The following PDE10A variants were observed in gnomAD, a reference collection of about 807,000 sequenced individuals.
PDE10A encodes the protein cAMP and cAMP-inhibited cGMP 3',5'-cyclic phosphodiesterase 10A.
PDE10A carries 39 observed loss-of-function variants against 97.7 expected under a neutral mutation model. The ratio of observed to expected loss-of-function variants is 0.40; its 90% CI spans 0.31 to 0.52. The LOEUF is 0.52. Among genes scored for constraint, PDE10A ranks in the 20% least tolerant of loss-of-function variants. PDE10A has a pLI of 0.56. For synonymous variants in PDE10A, 371 were observed against 376.8 expected, an observed-to-expected ratio of 0.98 and a Z score of 0.18; for missense variants, 731 against 1,047.8, an observed-to-expected ratio of 0.70 and a Z score of 4.17.
chr6:165,530,416 A>C (rs1782704331), intron 2 of PDE10A, among the ~76,000 whole-genome samples: 1 of 152,080 alleles, frequency 6.6e-6, no homozygotes, highest in South Asian at 2.1e-4. Flanking sequence ...AGAATCTATA[A>C]AGAACTTAAA....
chr6:165,650,065 T>A (rs987862564), intron 1 of PDE10A, among the ~76,000 whole-genome samples: 1 of 152,098 alleles, frequency 6.6e-6, no homozygotes, highest in African/African-American at 2.4e-5. Flanking sequence ...CATTTTGGGA[T>A]CTTGTGTAGG....
At chr6:165,641,413 T>C (rs908276081) in intron 1 of PDE10A, among the ~76,000 whole-genome samples, 1 of 152,306 alleles carries the variant, frequency 6.6e-6, no homozygotes, top group African/African-American at 2.4e-5. Context: ...CACAACACTA[T>C]ATCTAAGAAG....
At chr6:165,547,067 T>C (rs916712947) in intron 1 of PDE10A, among the ~76,000 whole-genome samples, 22 of 152,080 alleles carry the variant, frequency 1.4e-4, no homozygotes, top group African/African-American at 5.1e-4. Flanking sequence ...TTGGAGTAGC[T>C]GATGATTTAA....
At chr6:165,354,927 C>T (rs1209628747) in intron 18 of PDE10A, among the ~76,000 whole-genome samples, 2 of 151,744 alleles carry the variant, frequency 1.3e-5, no homozygotes, top group African/African-American at 4.8e-5. Context: ...TTAGCCATCA[C>T]AACAATGTAA....
intron 1 of PDE10A, among the ~76,000 whole-genome samples, chr6:165,731,489 T>G (rs778595032): frequency 6.6e-6 from 1 of 152,132 alleles, no homozygotes; most frequent in Non-Finnish European, 1.5e-5. Flanking sequence ...GCCGGCACGT[T>G]GGAGGAACGA....
intron 2 of PDE10A, among the ~76,000 whole-genome samples, chr6:165,512,964 T>C (rs991778087): frequency 6.6e-6 from 1 of 152,026 alleles, no homozygotes; most frequent in African/African-American, 2.4e-5. Flanking sequence ...CTCTTTGAGA[T>C]CATTCATACT....
chr6:165,430,222 A>G lies in PDE10A; in HGVS notation c.1601+65T>C. On this transcript the variant is annotated intron_variant, in intron 9 of 21. Coordinates refer to ENST00000539869, the MANE Select transcript of PDE10A (RefSeq NM_001385079.1). ...CAATAGACAATGGTCTATTTCTGCC[A>G]CAGGCTGCCCTTAATTTAAACCATT... is the stretch of plus-strand genomic sequence containing the variant. 5.2e-6 allele frequency: 6 copies of G among 1,146,698 alleles called. No homozygotes were observed. In the South Asian group the frequency reaches 7.9e-5, roughly 15 times the overall value. The allele number at this position is 1,146,698 out of a possible 1,614,324, so 71.0% of individuals were successfully genotyped here. A position where few individuals can be genotyped will look rare whatever the true frequency, so the allele number is the denominator to read the frequency against.
intron 1 of PDE10A, among the ~76,000 whole-genome samples, chr6:165,617,915 G>T (rs1787802154): frequency 6.6e-6 from 1 of 152,106 alleles, no homozygotes; most frequent in Non-Finnish European, 1.5e-5. Flanking sequence ...CCCCCAAGCA[G>T]ATTATACATA....
chr6:165,855,960 C>G (rs773337911), intron 1 of PDE10A, among the ~76,000 whole-genome samples: 3 of 152,116 alleles, frequency 2.0e-5, no homozygotes, highest in Non-Finnish European at 2.9e-5. Context: ...AATGGGAAGA[C>G]GTATTGGTGT....
chr6:165,339,715 T>G (rs988233803), intron 19 of PDE10A, among the ~76,000 whole-genome samples: 1 of 152,234 alleles, frequency 6.6e-6, no homozygotes, highest in African/African-American at 2.4e-5. Flanking sequence ...CCAAATGATC[T>G]TCCAAGTGCA....
intron 1 of PDE10A, among the ~76,000 whole-genome samples, chr6:165,578,133 G>C (rs1239724087): frequency 6.6e-6 from 1 of 152,142 alleles, no homozygotes; most frequent in Non-Finnish European, 1.5e-5. Flanking sequence ...CCCAATTGTG[G>C]GCCGAATCGT....
intron 1 of PDE10A, among the ~76,000 whole-genome samples, chr6:165,832,953 C>G (rs1315436489): frequency 6.6e-6 from 1 of 152,202 alleles, no homozygotes; most frequent in Non-Finnish European, 1.5e-5. Context: ...TGGTCCATGT[C>G]TAATGTCAGA....
chr6:165,847,700 A>G (rs1484319942), intron 1 of PDE10A, among the ~76,000 whole-genome samples: 5 of 152,246 alleles, frequency 3.3e-5, no homozygotes, highest in Admixed American at 1.3e-4. Context: ...AGCGTAAGCC[A>G]GCAGATTTTT....
chr6:165,413,244 T>A (rs1244059852), intron 13 of PDE10A, among the ~76,000 whole-genome samples: 1 of 152,204 alleles, frequency 6.6e-6, no homozygotes, highest in African/African-American at 2.4e-5. Context: ...CTGGACATGT[T>A]ACCTTTACAG....
chr6:165,605,526 C>A (rs1334195214), intron 1 of PDE10A, among the ~76,000 whole-genome samples: 1 of 152,178 alleles, frequency 6.6e-6, no homozygotes, highest in Non-Finnish European at 1.5e-5. Flanking sequence ...GTTAAAATTA[C>A]TTCTGTTTAA....
intron 1 of PDE10A, among the ~76,000 whole-genome samples, chr6:165,625,926 C>T (rs758501712): frequency 3.2e-4 from 48 of 152,176 alleles, no homozygotes; most frequent in Non-Finnish European, 6.0e-4. Context: ...TCGTTGCGTT[C>T]GGGGGAAAGT....
intron 1 of PDE10A, among the ~76,000 whole-genome samples, chr6:165,568,247 C>T (rs1214270200): frequency 6.6e-6 from 1 of 152,098 alleles, no homozygotes; most frequent in East Asian, 1.9e-4. Context: ...GATCCGCCCG[C>T]CTCGGCCTCC....
intron 3 of PDE10A, among the ~76,000 whole-genome samples, chr6:165,454,879 CAAGAGA>C (rs1042882825): frequency 2.6e-5 from 4 of 152,066 alleles, no homozygotes; most frequent in Admixed American, 2.0e-4. Flanking sequence ...TTGATGACCA[CAAGAGA>C]AAGTCAGAAT....
intron 1 of PDE10A, among the ~76,000 whole-genome samples, chr6:165,798,951 G>A (rs772589441): frequency 2.0e-4 from 31 of 152,148 alleles, no homozygotes; most frequent in Non-Finnish European, 4.3e-4. Flanking sequence ...CAAGTGATCC[G>A]CCTGCTTTGG....
Sources: allele counts gnomAD v4.1 joint callset (sites outside exome capture counted in the v4.1 genomes callset), GRCh38; gene constraint gnomAD v4.1.1; transcripts MANE v1.5; gene names NCBI Gene and HGNC (gene_info 2026-07-23, HGNC 2026-07-21).